CSNK2A1: variants seen among roughly 807,000 people sequenced by gnomAD.
CSNK2A1 encodes casein kinase II subunit alpha.
Under a neutral mutation model 62.9 loss-of-function variants are expected in CSNK2A1, and 10 were observed. The ratio of observed to expected loss-of-function variants is 0.16; its 90% CI spans 0.10 to 0.27. The LOEUF (loss-of-function observed/expected upper bound fraction) is 0.27. Ranked by LOEUF, CSNK2A1 falls within the 10% of genes least tolerant of loss-of-function variation. The pLI is 1.00. For synonymous variants in CSNK2A1, 124 were observed against 167.8 expected (o/e 0.74, Z 2.02); for missense variants, 160 against 492.0 (o/e 0.33, Z 6.38).
At chr20:509,989 G>A (rs1447394595) in intron 2 of CSNK2A1, among the ~76,000 whole-genome samples, 3 of 152,202 alleles carry the variant, frequency 2.0e-5, no homozygotes, top group African/African-American at 7.2e-5. Flanking sequence ...AAGACAAATG[G>A]AGGCTAAAGA....
At chr20:490,337 T>TTTTTTTTTC (rs2018195830) in intron 9 of CSNK2A1, among the ~76,000 whole-genome samples, 1 of 132,320 alleles carries the variant, frequency 7.6e-6, no homozygotes, top group Non-Finnish European at 1.5e-5. Flanking sequence ...AGTTTTTTCT[T>TTTTTTTTTC]TTTTTTTTTT....
At chr20:504,988 A>T (rs1158551789) in intron 4 of CSNK2A1, 130 bp downstream of exon 4, 1 of 735,800 alleles carries the variant, frequency 1.4e-6, no homozygotes, top group Non-Finnish European at 2.2e-6. Context: ...TTGAGTTCAT[A>T]GGATACAATA....
At chr20:484,288 G>T (rs1054132622) in intron 13 of CSNK2A1, among the ~76,000 whole-genome samples, 3 of 152,158 alleles carry the variant, frequency 2.0e-5, no homozygotes, top group African/African-American at 7.2e-5. Flanking sequence ...AGAAATCTAG[G>T]CTTGGACAAT....
At chr20:490,343 TTTTTTTTTAG>T (rs1313321567) in intron 9 of CSNK2A1, among the ~76,000 whole-genome samples, 3 of 138,078 alleles carry the variant, frequency 2.2e-5, no homozygotes, top group Admixed American at 6.9e-5. Flanking sequence ...TTCTTTTTTT[TTTTTTTTTAG>T]TTTTTTTTTT....
intron 13 of CSNK2A1, among the ~76,000 whole-genome samples, chr20:484,517 T>G (rs2018023795): frequency 6.6e-6 from 1 of 152,234 alleles, no homozygotes; most frequent in Admixed American, 6.5e-5. Flanking sequence ...ACTACCATAC[T>G]GAACAGCACA....
intron 1 of CSNK2A1, among the ~76,000 whole-genome samples, chr20:529,974 T>C (rs945404464): frequency 6.6e-6 from 1 of 152,306 alleles, no homozygotes; most frequent in Admixed American, 6.5e-5. Context: ...GCTCACATAT[T>C]ACTTTTAAAA....
chr20:485,113 T>TAATAATAATAATAATAATA (rs1568496745), intron 13 of CSNK2A1, among the ~76,000 whole-genome samples: 7 of 37,176 alleles, frequency 1.9e-4, no homozygotes, highest in African/African-American at 5.6e-4. Flanking sequence ...AAAAAAAATA[T>TAATAATAATAATAATAATA]ATATATATAT....
At position 472,547 on chromosome 20, in the gene CSNK2A1, A is replaced by C. The variant is rs1457800632; in HGVS notation, c.*11414T>G. ...ACTGCCAGCACTAGGGGCCGAAGAGAGTTAGCAGTCCCCTTAAGCTGGTGG... is the reference window on the plus strand; with the variant it reads ...ACTGCCAGCACTAGGGGCCGAAGAGCGTTAGCAGTCCCCTTAAGCTGGTGG... On this transcript the variant is annotated 3_prime_UTR_variant, in exon 14 of 14. Coordinates refer to ENST00000217244, the MANE Select transcript of CSNK2A1 (RefSeq NM_177559.3). 3.9e-5 allele frequency: 6 copies of C among 152,494 alleles called. No individual in the cohort carries two copies. Among genetic ancestry groups the C allele is most frequent in the African/African-American group, 1.4e-4 (6 of 41,452 alleles). 9.4% of individuals were successfully genotyped at this position (152,494 alleles called of 1,614,324 possible).
At position 499,541 on chromosome 20, in the gene CSNK2A1, C is replaced by T. The variant is rs967099528; in HGVS notation, c.316-236G>A. 8 of 549,596 alleles carry T rather than the reference C, an allele frequency of 1.5e-5. No individual in the cohort carries two copies. Among genetic ancestry groups the T allele is most frequent in the Non-Finnish European group, 2.2e-5 (7 of 315,340 alleles). 34.0% of individuals were successfully genotyped at this position (549,596 alleles called of 1,614,324 possible). ...AAGTCTCACCAGGCTCTAGGCAGCC[C>T]GACAATGCGCCCATCGCCCATCGGC... On this transcript the variant is annotated intron_variant, in intron 5 of 13. Transcript: ENST00000217244. The surrounding 1 kb of genome is among the most constrained non-coding windows in gnomAD (Gnocchi z 4.2).
chr20:476,457 A>C lies in CSNK2A1; in HGVS notation c.*7504T>G, dbSNP rs1243988735. The C allele has an allele frequency of 6.6e-6, 1 of 151,986 alleles. No individual in the cohort carries two copies. Among genetic ancestry groups the C allele is most frequent in the Non-Finnish European group, 1.5e-5 (1 of 68,014 alleles). The allele number at this position is 151,986 out of a possible 1,614,324, so 9.4% of individuals were successfully genotyped here. A position where few individuals can be genotyped will look rare whatever the true frequency, so the allele number is the denominator to read the frequency against. On this transcript the variant is annotated 3_prime_UTR_variant, in exon 14 of 14. Transcript: ENST00000217244. Reference sequence around the variant, plus strand: ...TATTTTTTAGTAGAAACAGGGTGTCACCATGTTGTTCAGTCTGGTTTCAAA... The same window carrying C: ...TATTTTTTAGTAGAAACAGGGTGTCCCCATGTTGTTCAGTCTGGTTTCAAA...
chr20:505,363 T>TG, intron 3 of CSNK2A1, 134 bp from the exon 4 acceptor site: 2 of 709,960 alleles, frequency 2.8e-6, no homozygotes, highest in South Asian at 2.1e-5. Context: ...TTTTTTTTTT[T>TG]TTTTTTTTTT....
At chr20:486,994 G>GGGGT (rs1449303627) in intron 12 of CSNK2A1, 17 of 192,326 alleles carry the variant, frequency 8.8e-5, no homozygotes, top group African/African-American at 3.7e-4. Context: ...CAGTGCAGAT[G>GGGGT]GGGTGGGTCT....
At chr20:503,947 G>A (rs567382893) in intron 4 of CSNK2A1, among the ~76,000 whole-genome samples, 61 of 152,344 alleles carry the variant, frequency 4.0e-4, no homozygotes, top group African/African-American at 1.4e-3. Flanking sequence ...GGAGGCCGAG[G>A]CGGGCGGATC....
intron 4 of CSNK2A1, 149 bp downstream of exon 4, chr20:504,969 C>A (rs2018544793): frequency 4.7e-6 from 3 of 641,660 alleles, no homozygotes; most frequent in African/African-American, 1.9e-5. Context: ...ATAAGCAGAA[C>A]TTGTTCTATT....
chr20:512,819 A>G (rs2018751788), intron 2 of CSNK2A1, among the ~76,000 whole-genome samples: 1 of 152,204 alleles, frequency 6.6e-6, no homozygotes. Context: ...ATTTTGTAAA[A>G]CCTGGGTGAC....
chr20:510,821 A>G (rs926249167), intron 2 of CSNK2A1, among the ~76,000 whole-genome samples: 1 of 152,024 alleles, frequency 6.6e-6, no homozygotes, highest in Non-Finnish European at 1.5e-5. Context: ...GGCTCAATCA[A>G]TCCTCCCACC....
At chr20:533,434 G>GT (rs1568567760) in intron 1 of CSNK2A1, among the ~76,000 whole-genome samples, 1 of 152,040 alleles carries the variant, frequency 6.6e-6, no homozygotes, top group African/African-American at 2.4e-5. Flanking sequence ...CAACATGTTT[G>GT]TTTTTAAAAA....
At chr20:520,413 A>G (rs903132427) in intron 2 of CSNK2A1, among the ~76,000 whole-genome samples, 9 of 152,176 alleles carry the variant, frequency 5.9e-5, no homozygotes, top group African/African-American at 2.2e-4. Context: ...ACAGAAATAC[A>G]CTCACACAAA....
At chr20:533,840 G>T (rs779099421) in intron 1 of CSNK2A1, among the ~76,000 whole-genome samples, 1 of 152,156 alleles carries the variant, frequency 6.6e-6, no homozygotes, top group Non-Finnish European at 1.5e-5. Flanking sequence ...AATCCAAGCA[G>T]TTTGATTTGG....
Sources: gnomAD v4.1 joint callset for allele counts (sites outside exome capture counted in the v4.1 genomes callset) on GRCh38, gnomAD v4.1.1 for gene constraint, Gnocchi (gnomAD v3.1) non-coding constraint, MANE v1.5 for transcripts, NCBI Gene and HGNC (gene_info 2026-07-23, HGNC 2026-07-21) for gene names.